The following RHOD variants were observed in gnomAD, a reference collection of about 807,000 sequenced individuals.
RHOD encodes the protein ras homolog family member D, also known as rho-related GTP-binding protein RhoD.
In RHOD, 11 loss-of-function variants were observed where a neutral mutation model predicts 16.7. That is an observed-to-expected ratio of 0.66 (90% CI 0.41 to 1.09). RHOD has a LOEUF of 1.09. Among genes scored for constraint, RHOD ranks in the 50% least tolerant of loss-of-function variants. The pLI is 0.00. For synonymous variants in RHOD, 124 were observed against 126.3 expected, an observed-to-expected ratio of 0.98 and a Z score of 0.12; for missense variants, 271 against 291.7, an observed-to-expected ratio of 0.93 and a Z score of 0.52.
intron 3 of RHOD, among the ~76,000 whole-genome samples, chr11:67,067,845 G>A (rs984862878): frequency 2.6e-5 from 4 of 152,136 alleles, no homozygotes; most frequent in African/African-American, 9.7e-5. Context: ...TGTCACCCAG[G>A]CTGGAGTGCA....
chr11:67,058,721 T>C (rs1854849101), intron 1 of RHOD, among the ~76,000 whole-genome samples: 1 of 152,142 alleles, frequency 6.6e-6, no homozygotes, highest in Non-Finnish European at 1.5e-5. Context: ...TATCACACTG[T>C]AGTTCTTATC....
chr11:67,066,710 A>G, intron 2 of RHOD, 28 bp from the exon 3 acceptor site: 1 of 1,404,512 alleles, frequency 7.1e-7, no homozygotes, highest in Non-Finnish European at 1.0e-6. Flanking sequence ...GGAGCCCTGA[A>G]GGCAGTGACC....
chr11:67,063,693 C>G (rs1315171766), intron 1 of RHOD, among the ~76,000 whole-genome samples: 1 of 147,716 alleles, frequency 6.8e-6, no homozygotes, highest in Non-Finnish European at 1.5e-5. Flanking sequence ...CAGCTACTCA[C>G]AAGGCTGAGG....
chr11:67,058,398 G>A (rs1313569488), intron 1 of RHOD, among the ~76,000 whole-genome samples: 1 of 152,142 alleles, frequency 6.6e-6, no homozygotes, highest in Non-Finnish European at 1.5e-5. Flanking sequence ...GAATGGTCTC[G>A]ATCATTTGAC....
At chr11:67,062,593 T>G (rs1398167642) in intron 1 of RHOD, among the ~76,000 whole-genome samples, 1 of 152,224 alleles carries the variant, frequency 6.6e-6, no homozygotes, top group East Asian at 1.9e-4. Flanking sequence ...CTGCCCACTC[T>G]GGGACCTGCC....
intron 1 of RHOD, among the ~76,000 whole-genome samples, chr11:67,057,449 C>G (rs540591469): frequency 4.6e-5 from 7 of 152,220 alleles, no homozygotes; most frequent in Admixed American, 1.3e-4. Context: ...CACTACATCA[C>G]AGGTGAGTGA....
intron 1 of RHOD, among the ~76,000 whole-genome samples, chr11:67,061,532 TG>T (rs1245363647): frequency 6.6e-6 from 1 of 150,582 alleles, no homozygotes; most frequent in Non-Finnish European, 1.5e-5. Flanking sequence ...CTCAGGAGGC[TG>T]AGGCAGGAGA....
chr11:67,065,201 A>G (rs1317388482), intron 1 of RHOD, among the ~76,000 whole-genome samples: 1 of 151,374 alleles, frequency 6.6e-6, no homozygotes, highest in African/African-American at 2.4e-5. Flanking sequence ...TCAGCCTCCC[A>G]AGTAGCTAGG....
At chr11:67,071,363 G>A in intron 4 of RHOD, 72 bp from the exon 5 acceptor site, 1 of 1,439,634 alleles carries the variant, frequency 6.9e-7, no homozygotes. Context: ...CTCTTGTCCG[G>A]GAAAAGGAAG....
intron 2 of RHOD, 29 bp downstream of exon 2, chr11:67,066,012 G>GGGGGA: frequency 1.7e-6 from 1 of 581,442 alleles, no homozygotes; most frequent in Non-Finnish European, 3.4e-6. Flanking sequence ...GGCAGGGTGG[G>GGGGGA]AGGGGCTTCT....
At chr11:67,063,396 G>A (rs1222658166) in intron 1 of RHOD, among the ~76,000 whole-genome samples, 4 of 151,994 alleles carry the variant, frequency 2.6e-5, no homozygotes, top group Non-Finnish European at 5.9e-5. Context: ...AGGAGGCTGA[G>A]GTAGGAGAAT....
chr11:67,067,569 A>G (rs531371985), intron 3 of RHOD, among the ~76,000 whole-genome samples: 3 of 152,258 alleles, frequency 2.0e-5, no homozygotes, highest in Middle Eastern at 3.4e-3. Context: ...TGGGATTTGA[A>G]CCCAGGCAGG....
rs1298122917 is a variant in RHOD at position 67,070,408 on chromosome 11, C to T, written c.331-17C>T. ...GGCTCACACATGCCCCCCACATGCC[C>T]CCTCGCCCCCCTGCAGTGGTACCCA... On this transcript the variant is annotated splice_polypyrimidine_tract_variant and intron_variant, in intron 3 of 4. Transcript: ENST00000308831. 1 of 1,613,416 alleles carries T rather than the reference C, an allele frequency of 6.2e-7. No individual in the cohort carries two copies. Among genetic ancestry groups the T allele is most frequent in the African/African-American group, 1.3e-5 (1 of 74,852 alleles).
intron 1 of RHOD, among the ~76,000 whole-genome samples, chr11:67,064,778 T>C (rs958860009): frequency 6.6e-6 from 1 of 151,988 alleles, no homozygotes; most frequent in African/African-American, 2.4e-5. Context: ...GTCCCAGCGG[T>C]GTGTGCCAGT....
At chr11:67,066,040 G>A (rs1854955936) in intron 2 of RHOD, 57 bp downstream of exon 2, 2 of 1,348,618 alleles carry the variant, frequency 1.5e-6, no homozygotes, top group East Asian at 4.7e-5. Flanking sequence ...CCTGATGCCT[G>A]GGACAGATTC....
intron 3 of RHOD, 138 bp downstream of exon 3, chr11:67,066,985 G>A: frequency 3.0e-6 from 2 of 673,390 alleles, no homozygotes; most frequent in Non-Finnish European, 5.4e-6. Context: ...TGTATATATG[G>A]GGAAACTGAG....
intron 1 of RHOD, among the ~76,000 whole-genome samples, chr11:67,064,734 G>C (rs572868203): frequency 3.3e-5 from 5 of 152,214 alleles, no homozygotes; most frequent in South Asian, 2.1e-4. Context: ...TTCTAGGAAG[G>C]GGGGACAACA....
Position 67,071,875 on chromosome 11 carries a change from G to A in RHOD, c.*273G>A. On this transcript the variant is annotated 3_prime_UTR_variant, in exon 5 of 5. Transcript: ENST00000308831. ...GGACCGACATCCTGGAGCCGCCTGT[G>A]CAGCCTGATGCCCCCTCGTGGCTGC... The A allele has an allele frequency of 2.5e-6, 1 of 402,558 alleles. No individual in the cohort carries two copies. The highest frequency in any genetic ancestry group is 4.4e-6 in the Non-Finnish European group (1 of 227,510). The allele number at this position is 402,558 out of a possible 1,614,324, so 24.9% of individuals were successfully genotyped here.
At position 67,059,557 on chromosome 11, in the gene RHOD, AAT is replaced by A. The variant is rs570236616; in HGVS notation, c.132+2538_132+2539del. ...GAGACTCCGTCTCAAAATATATATA[AAT>A]ATATATATATATATGTAATTAAATA... is the stretch of plus-strand genomic sequence containing the variant. On this transcript the variant is annotated intron_variant, in intron 1 of 4. Coordinates refer to ENST00000308831, the MANE Select transcript of RHOD (RefSeq NM_014578.4). Among the ~76,000 whole-genome samples the A allele has an allele frequency of 2.8e-3, 410 of 147,720 alleles. 1 individual carries two copies. The highest frequency in any genetic ancestry group is 8.6e-3 in the East Asian group (44 of 5,100).
Sources: allele counts gnomAD v4.1 joint callset (sites outside exome capture counted in the v4.1 genomes callset), GRCh38; gene constraint gnomAD v4.1.1; transcripts MANE v1.5; gene names NCBI Gene and HGNC (gene_info 2026-07-23, HGNC 2026-07-21).